PRR27: variants seen among roughly 807,000 people sequenced by gnomAD.
The protein encoded by PRR27 is proline-rich protein 27.
Under a neutral mutation model 16.8 loss-of-function variants are expected in PRR27, and 12 were observed. The observed-to-expected ratio is 0.71, with a 90% CI of 0.46 to 1.16. The LOEUF is 1.16. Among genes scored for constraint, PRR27 ranks in the 50% most tolerant of loss-of-function variants. The pLI, the probability that PRR27 is intolerant of heterozygous loss-of-function variation, is 0.00. For synonymous variants in PRR27, 100 were observed against 98.4 expected (o/e 1.02, Z -0.10); for missense variants, 277 against 273.3 (o/e 1.01, Z -0.10).
rs1345859683 is a variant in PRR27, at chr4:70,158,396, ACCT to A, written c.149_151del (p.Pro50del). 1.2e-6 allele frequency: 2 copies of A among 1,613,494 alleles called. No homozygotes were observed. The highest frequency in any genetic ancestry group is 4.5e-5 in the East Asian group (2 of 44,846). On this transcript the variant is annotated inframe_deletion, in exon 3 of 5. Transcript: ENST00000344526. ...TTCCTTATGGCATACGGAATTTACC[ACCT>A]CCTCTTTATTATCGCCCAGTGAATA...
chr4:70,160,439 C>CTGTGTGTGTGTGTGTGTGTGTGTG (rs1408228186), intron 3 of PRR27, among the ~76,000 whole-genome samples: 1 of 87,344 alleles, frequency 1.1e-5, no homozygotes. Context: ...CTCTCTCTCT[C>CTGTGTGTGTGTGTGTGTGTGTGTG]TCTCTGTGTG....
rs78077039 is a variant in PRR27, at chr4:70,154,782, A to G, written c.51+356A>G. 1,805 of 1,309,390 alleles carry G rather than the reference A, an allele frequency of 1.4e-3. 16 individuals are homozygous for G. Among genetic ancestry groups the G allele is most frequent in the African/African-American group, 0.012 (832 of 66,932 alleles). 81.1% of individuals were successfully genotyped at this position (1,309,390 alleles called of 1,614,324 possible). A position where few individuals can be genotyped will look rare whatever the true frequency, so the allele number is the denominator to read the frequency against. ...GGGCTTCCTATGGCTGTGAAGTGCC[A>G]TTGCTGGAGGTATTTATGTACAGAC... is the stretch of plus-strand genomic sequence containing the variant. On this transcript the variant is annotated intron_variant, in intron 1 of 4. Transcript: ENST00000344526.
chr4:70,161,843 A>G (rs1053109527), intron 4 of PRR27, among the ~76,000 whole-genome samples: 8 of 152,172 alleles, frequency 5.3e-5, no homozygotes, highest in Non-Finnish European at 8.8e-5. Flanking sequence ...ACAAATAGCG[A>G]GTTCCTCCTT....
chr4:70,156,381 T>C (rs1391670704), intron 2 of PRR27, among the ~76,000 whole-genome samples: 1 of 152,224 alleles, frequency 6.6e-6, no homozygotes, highest in Non-Finnish European at 1.5e-5. Context: ...TTATACATTG[T>C]CAGTATGTCC....
In PRR27 at chr4:70,161,179, T is replaced by TATATATATATATATATAC. The variant is rs527588905; in HGVS notation, c.649-406_649-405insTATATATATATATATACA. On this transcript the variant is annotated intron_variant, in intron 3 of 4. Coordinates refer to ENST00000344526, the MANE Select transcript of PRR27 (RefSeq NM_214711.4). The stretch of plus-strand genomic sequence containing the variant: ...CTGTATATATATATATATATATATA[T>TATATATATATATATATAC]ACACACATACATATATATACACGTA... Among the ~76,000 whole-genome samples the TATATATATATATATATAC allele has an allele frequency of 6.0e-4, 65 of 107,664 alleles. No homozygotes were observed. The South Asian group carries it at 7.6e-3, about 13-fold the overall frequency. The allele number at this position is 107,664 out of a possible 152,430, so 70.6% of individuals were successfully genotyped here. A position where few individuals can be genotyped will look rare whatever the true frequency, so the allele number is the denominator to read the frequency against.
chr4:70,155,133 TC>T (rs1290535909), intron 1 of PRR27, among the ~76,000 whole-genome samples: 1 of 152,338 alleles, frequency 6.6e-6, no homozygotes, highest in East Asian at 1.9e-4. Context: ...GTTATTATCA[TC>T]CTGTCCAAAC....
rs533962540 is a variant in PRR27 at position 70,157,900 on chromosome 4, A to C, written c.76-428A>C. ...GGAATATGGGACACCTGGAAGAGGAATAATGAAGCAGAGGCTTCAGTGGAC... is the reference window on the plus strand; with the variant it reads ...GGAATATGGGACACCTGGAAGAGGACTAATGAAGCAGAGGCTTCAGTGGAC... On this transcript the variant is annotated intron_variant, in intron 2 of 4. Transcript: ENST00000344526. Among the ~76,000 whole-genome samples the C allele has an allele frequency of 2.6e-5, 4 of 152,326 alleles. No homozygotes were observed. The South Asian group carries it at 8.3e-4, about 32-fold the overall frequency.
chr4:70,155,082 G>A (rs1463022407), intron 1 of PRR27, among the ~76,000 whole-genome samples: 2 of 152,156 alleles, frequency 1.3e-5, no homozygotes, highest in East Asian at 3.9e-4. Flanking sequence ...CCTCAGGTAT[G>A]GTAGAAACTC....
chr4:70,161,562 G>T (rs775584942), intron 3 of PRR27, 24 bp from the exon 4 acceptor site: 5 of 1,455,004 alleles, frequency 3.4e-6, no homozygotes, highest in Admixed American at 3.5e-5. Context: ...TTTATGAAAA[G>T]ATCTTTTTTT....
In PRR27 at chr4:70,161,156, G is replaced by GTATATATATATATATATATATA. The variant is rs371303125; in HGVS notation, c.649-427_649-406dup. ...CATCTGCTGGGGTATTATGAACACT[G>GTATATATATATATATATATATA]TATATATATATATATATATATATAC... On this transcript the variant is annotated intron_variant, in intron 3 of 4. Transcript: ENST00000344526. Among the ~76,000 whole-genome samples, 131 of 93,874 alleles carry GTATATATATATATATATATATA rather than the reference G, an allele frequency of 1.4e-3. 1 individual carries two copies. The highest frequency in any genetic ancestry group is 4.0e-3 in the African/African-American group (84 of 21,050). 61.6% of individuals were successfully genotyped at this position (93,874 alleles called of 152,430 possible). A position where few individuals can be genotyped will look rare whatever the true frequency, so the allele number is the denominator to read the frequency against.
Position 70,161,592 on chromosome 4 carries a change from C to A in PRR27, c.655C>A (p.Gln219Lys). The A allele has an allele frequency of 1.3e-6, 2 of 1,513,218 alleles. No individual in the cohort carries two copies. Among genetic ancestry groups the A allele is most frequent in the Non-Finnish European group, 1.8e-6 (2 of 1,098,472 alleles). 93.7% of individuals were successfully genotyped at this position (1,513,218 alleles called of 1,614,324 possible). A position where few individuals can be genotyped will look rare whatever the true frequency, so the allele number is the denominator to read the frequency against. Residue 219 changes from glutamine (Q) to lysine (K), a missense_variant, in exon 4 of 5, where the codon CAG (glutamine) becomes AAG (lysine). By Grantham distance (53) the Gln-to-Lys change is moderately conservative. Transcript: ENST00000344526. ...TTTTTTTAATGTTTTCTAGGCAAAT[C>A]AGTGAAATTCTCTAGAAGAGTACCA... ...HPSPSLEQAN[Q>K]
At chr4:70,159,256 T>G (rs1560469802) in intron 3 of PRR27, among the ~76,000 whole-genome samples, 1 of 152,208 alleles carries the variant, frequency 6.6e-6, no homozygotes, top group Non-Finnish European at 1.5e-5. Flanking sequence ...TGGAATAATA[T>G]TGTATGTACT....
intron 4 of PRR27, among the ~76,000 whole-genome samples, chr4:70,162,493 A>G (rs1728670856): frequency 6.7e-6 from 1 of 149,896 alleles, no homozygotes; most frequent in South Asian, 2.1e-4. Flanking sequence ...AGTTCAAGAT[A>G]TTAGATACAC....
At chr4:70,159,613 C>T (rs1001671121) in intron 3 of PRR27, among the ~76,000 whole-genome samples, 15 of 152,164 alleles carry the variant, frequency 9.9e-5, no homozygotes, top group African/African-American at 3.1e-4. Flanking sequence ...GCCATGTATA[C>T]ATTGTACCCA....
chr4:70,155,336 C>T (rs1035394032), intron 1 of PRR27, among the ~76,000 whole-genome samples: 2 of 150,612 alleles, frequency 1.3e-5, no homozygotes, highest in Admixed American at 6.6e-5. Context: ...GAAGAGGTGG[C>T]AAAGACCACT....
chr4:70,155,885 A>G (rs571929418), intron 1 of PRR27, among the ~76,000 whole-genome samples, 169 bp from the exon 2 acceptor site: 28 of 152,346 alleles, frequency 1.8e-4, no homozygotes, highest in African/African-American at 6.7e-4. Context: ...AAAACCATGT[A>G]ATGATAATGA....
Position 70,161,756 on chromosome 4 carries a change from A to G in PRR27, c.*33+126A>G, listed in dbSNP as rs1728654785. 8.9e-6 allele frequency: 4 copies of G among 448,714 alleles called. No homozygotes were observed. The South Asian group carries it at 1.9e-4, about 21-fold the overall frequency. 27.8% of individuals were successfully genotyped at this position (448,714 alleles called of 1,614,324 possible). A position where few individuals can be genotyped will look rare whatever the true frequency, so the allele number is the denominator to read the frequency against. The stretch of plus-strand genomic sequence containing the variant: ...AAAATGAGAAAGTGGAGCTTAGAGA[A>G]GCACTGGTAGTTTGTGCCTCAGAAC... On this transcript the variant is annotated intron_variant, in intron 4 of 4. Coordinates refer to ENST00000344526, the MANE Select transcript of PRR27 (RefSeq NM_214711.4).
intron 4 of PRR27, among the ~76,000 whole-genome samples, chr4:70,161,933 A>T (rs1169844612): frequency 6.6e-6 from 1 of 152,216 alleles, no homozygotes; most frequent in Non-Finnish European, 1.5e-5. Flanking sequence ...AACGTGGGAA[A>T]AGAGGGTTGG....
In PRR27 at chr4:70,163,575, G is replaced by A. The variant is rs546707369; in HGVS notation, c.*914G>A. 1 of 152,666 alleles carries A rather than the reference G, an allele frequency of 6.6e-6. No individual in the cohort carries two copies. Among genetic ancestry groups the A allele is most frequent in the African/African-American group, 2.4e-5 (1 of 41,530 alleles). The allele number at this position is 152,666 out of a possible 1,614,324, so 9.5% of individuals were successfully genotyped here. Reference sequence around the variant, plus strand: ...GATCTGTCCGCCTCGGCCTCCCAAAGTGCTGGGAATACAGGCGTGAGCCAC... The same window carrying A: ...GATCTGTCCGCCTCGGCCTCCCAAAATGCTGGGAATACAGGCGTGAGCCAC... On this transcript the variant is annotated 3_prime_UTR_variant, in exon 5 of 5. Coordinates refer to ENST00000344526, the MANE Select transcript of PRR27 (RefSeq NM_214711.4).
Sources: gnomAD v4.1 joint callset for allele counts (sites outside exome capture counted in the v4.1 genomes callset) on GRCh38, gnomAD v4.1.1 for gene constraint, MANE v1.5 for transcripts, NCBI Gene and HGNC (gene_info 2026-07-23, HGNC 2026-07-21) for gene names.